The following NTRK3 variants were observed in gnomAD, a reference collection of about 807,000 sequenced individuals.
NTRK3 encodes NT-3 growth factor receptor.
NTRK3 carries 24 observed loss-of-function variants against 91.7 expected under a neutral mutation model. That is an observed-to-expected ratio of 0.26 (90% CI 0.19 to 0.37). The LOEUF (loss-of-function observed/expected upper bound fraction) is 0.37, where lower values mean the gene tolerates loss of function less well. Among genes scored for constraint, NTRK3 ranks in the 10% least tolerant of loss-of-function variants. The pLI is 1.00. For synonymous variants in NTRK3, 483 were observed against 404.0 expected (o/e 1.20, Z -2.34); for missense variants, 880 against 1,068.9 (o/e 0.82, Z 2.46).
At chr15:88,032,144 T>C (rs2078595003) in intron 14 of NTRK3, among the ~76,000 whole-genome samples, 1 of 152,118 alleles carries the variant, frequency 6.6e-6, no homozygotes, top group African/African-American at 2.4e-5. Flanking sequence ...AGATTGAACC[T>C]GGGCACACAG....
At chr15:88,171,320 T>C (rs12591487) in intron 5 of NTRK3, among the ~76,000 whole-genome samples, 33,838 of 152,044 alleles carry the variant, frequency 0.22, 3,900 homozygotes, top group African/African-American at 0.27. Context: ...GTAATGGCAA[T>C]ACACTGATGA....
At chr15:88,027,989 A>T (rs1398778101) in intron 14 of NTRK3, among the ~76,000 whole-genome samples, 1 of 152,186 alleles carries the variant, frequency 6.6e-6, no homozygotes, top group East Asian at 1.9e-4. Flanking sequence ...GAAGCGAGAA[A>T]TGAAAGAGGT....
intron 13 of NTRK3, among the ~76,000 whole-genome samples, chr15:88,103,768 C>CA (rs947242161): frequency 6.6e-6 from 1 of 152,064 alleles, no homozygotes; most frequent in African/African-American, 2.4e-5. Flanking sequence ...GAAACCCCTC[C>CA]AATAGCCTCC....
chr15:88,256,570 C>G, intron 1 of NTRK3, 74 bp downstream of exon 1: 1 of 496,506 alleles, frequency 2.0e-6, no homozygotes, highest in East Asian at 3.3e-5. Flanking sequence ...CAAGTCCCAC[C>G]TACTGGGCAG....
intron 6 of NTRK3, among the ~76,000 whole-genome samples, chr15:88,144,649 T>G (rs1030038343): frequency 6.6e-6 from 1 of 152,168 alleles, no homozygotes; most frequent in African/African-American, 2.4e-5. Flanking sequence ...ACTAGCCATG[T>G]GATCTTGAAC....
intron 14 of NTRK3, among the ~76,000 whole-genome samples, chr15:87,985,095 A>G (rs940278237): frequency 1.3e-5 from 2 of 152,234 alleles, no homozygotes; most frequent in African/African-American, 4.8e-5. Context: ...AATGATAAAG[A>G]AGTGGCTGGA....
At chr15:88,018,084 A>C (rs151177823) in intron 14 of NTRK3, among the ~76,000 whole-genome samples, 20 of 152,260 alleles carry the variant, frequency 1.3e-4, no homozygotes, top group Admixed American at 7.2e-4. Context: ...ACTCGGCCAA[A>C]AATAGGTCAA....
At chr15:88,150,536 C>G (rs944404401) in intron 5 of NTRK3, among the ~76,000 whole-genome samples, 1 of 152,072 alleles carries the variant, frequency 6.6e-6, no homozygotes, top group Non-Finnish European at 1.5e-5. Flanking sequence ...CCTCCCCCAC[C>G]CATCAAGCCC....
intron 3 of NTRK3, among the ~76,000 whole-genome samples, chr15:88,236,433 G>A (rs558134283): frequency 6.7e-4 from 101 of 150,938 alleles, no homozygotes; most frequent in African/African-American, 2.4e-3. Context: ...AGCACTTTGG[G>A]AGACTGAGTC....
intron 6 of NTRK3, 80 bp from the exon 7 acceptor site, chr15:88,137,641 G>T: frequency 6.9e-7 from 1 of 1,458,970 alleles, no homozygotes; most frequent in Non-Finnish European, 9.5e-7. Context: ...AGGACAAGGG[G>T]GACCCGACCT....
chr15:87,876,904 C>A (rs2141434004), exon 19 of NTRK3: 1 of 1,612,104 alleles, frequency 6.2e-7, no homozygotes, highest in East Asian at 2.2e-5. Context: ...GAGGAGGCAA[C>A]AGAGTATGAA....
chr15:87,944,474 C>T (rs2070225688), intron 14 of NTRK3, among the ~76,000 whole-genome samples: 1 of 152,214 alleles, frequency 6.6e-6, no homozygotes. Flanking sequence ...TATTACACCC[C>T]TTTCACAGGT....
At chr15:88,028,749 C>A (rs1190732609) in intron 14 of NTRK3, among the ~76,000 whole-genome samples, 1 of 152,136 alleles carries the variant, frequency 6.6e-6, no homozygotes, top group African/African-American at 2.4e-5. Flanking sequence ...AGGCAGTTGC[C>A]TCTCCCCAGA....
chr15:87,878,873 A>T (rs2065079220), intron 18 of NTRK3, among the ~76,000 whole-genome samples: 1 of 151,076 alleles, frequency 6.6e-6, no homozygotes. Context: ...GGGGCCACCA[A>T]ACTACAAGGA....
chr15:88,057,039 C>T (rs867814421), intron 13 of NTRK3, among the ~76,000 whole-genome samples: 2 of 150,584 alleles, frequency 1.3e-5, no homozygotes, highest in South Asian at 2.1e-4. Flanking sequence ...CATGGTGGCG[C>T]GCGCCTGTAG....
chr15:88,072,152 C>T (rs1385079473), intron 13 of NTRK3, among the ~76,000 whole-genome samples: 1 of 151,774 alleles, frequency 6.6e-6, no homozygotes, highest in Non-Finnish European at 1.5e-5. Flanking sequence ...ATTACAGGCA[C>T]CGCCACCATG....
chr15:88,072,004 CTT>C (rs374364707), intron 13 of NTRK3, among the ~76,000 whole-genome samples: 84 of 132,608 alleles, frequency 6.3e-4, no homozygotes, highest in Admixed American at 2.1e-3. Flanking sequence ...AATCAAACAT[CTT>C]TTTTTTTTTT....
intron 6 of NTRK3, chr15:88,143,921 C>T (rs2042629624): frequency 6.6e-6 from 1 of 152,182 alleles, no homozygotes; most frequent in African/African-American, 2.4e-5. Context: ...ATGTCTGCTC[C>T]ATGCATGCAG....
chr15:87,904,712 G>A (rs903110519), intron 17 of NTRK3, among the ~76,000 whole-genome samples: 39 of 152,086 alleles, frequency 2.6e-4, no homozygotes, highest in Non-Finnish European at 2.5e-4. Context: ...GTGGCAGGGC[G>A]GCCCATATGT....
Sources: gnomAD v4.1 joint callset for allele counts (sites outside exome capture counted in the v4.1 genomes callset) on GRCh38, gnomAD v4.1.1 for gene constraint, MANE v1.5 for transcripts, NCBI Gene and HGNC (gene_info 2026-07-23, HGNC 2026-07-21) for gene names.